ENGASE: variants seen among roughly 807,000 people sequenced by gnomAD.
ENGASE encodes endo-beta-N-acetylglucosaminidase.
A neutral mutation model predicts 78.5 loss-of-function variants in ENGASE; 69 were observed. That is an observed-to-expected ratio of 0.88 (90% CI 0.72 to 1.07). ENGASE has a LOEUF of 1.07. Among genes scored for constraint, ENGASE ranks in the 50% least tolerant of loss-of-function variants. The pLI is 0.00. For synonymous variants in ENGASE, 408 were observed against 408.9 expected (o/e 1.00, Z 0.03); for missense variants, 943 against 988.4 (o/e 0.95, Z 0.62).
At position 79,087,159 on chromosome 17, in the gene ENGASE, G is replaced by A; in HGVS notation, c.*810G>A. 2.4e-6 allele frequency: 1 copy of A among 419,456 alleles called. No homozygotes were observed. The highest frequency in any genetic ancestry group is 4.9e-6 in the Non-Finnish European group (1 of 203,966). 26.0% of individuals were successfully genotyped at this position (419,456 alleles called of 1,614,324 possible). Reference sequence around the variant, plus strand: ...GCGAGAGGCCGTGGGCTCTGGACAAGCCGCCCTTCAGGCTGGGGTAGCAGG... The same window carrying A: ...GCGAGAGGCCGTGGGCTCTGGACAAACCGCCCTTCAGGCTGGGGTAGCAGG... On this transcript the variant is annotated 3_prime_UTR_variant, in exon 14 of 14. Coordinates refer to ENST00000579016, the MANE Select transcript of ENGASE (RefSeq NM_001042573.3).
chr17:79,078,772 CA>C (rs1568086946), intron 3 of ENGASE, among the ~76,000 whole-genome samples: 3 of 152,224 alleles, frequency 2.0e-5, no homozygotes, highest in South Asian at 4.1e-4. Context: ...ACCTTGGGCG[CA>C]GCTCACAGGG....
rs1021495327 is a variant in ENGASE, at chr17:79,086,642, G to C, written c.*293G>C. ...TGGTTCCCAGGTGAAAATGAAAGGA[G>C]GGGAGAAGTTGAGAACAGAACATTC... is the stretch of plus-strand genomic sequence containing the variant. On this transcript the variant is annotated 3_prime_UTR_variant, in exon 14 of 14. Transcript: ENST00000579016. 9.5e-6 allele frequency: 5 copies of C among 525,568 alleles called. No homozygotes were observed. Among genetic ancestry groups the C allele is most frequent in the Middle Eastern group, 5.1e-4 (1 of 1,976 alleles). 32.6% of individuals were successfully genotyped at this position (525,568 alleles called of 1,614,324 possible).
intron 3 of ENGASE, 63 bp downstream of exon 3, chr17:79,077,927 GAGGGGC>G: frequency 1.7e-6 from 2 of 1,179,580 alleles, no homozygotes; most frequent in Non-Finnish European, 2.4e-6. Flanking sequence ...GTGGGGGCTG[GAGGGGC>G]GGGAGAGAGT....
intron 5 of ENGASE, 91 bp downstream of exon 5, chr17:79,080,455 C>T (rs1182580689): frequency 8.2e-6 from 12 of 1,472,034 alleles, no homozygotes; most frequent in Admixed American, 2.0e-5. Context: ...CCTCGCCCCA[C>T]GCCTGGGCTG....
intron 11 of ENGASE, 32 bp from the exon 12 acceptor site, chr17:79,085,202 T>G (rs2073258924): frequency 6.4e-7 from 1 of 1,561,156 alleles, no homozygotes; most frequent in East Asian, 2.2e-5. Flanking sequence ...TTTGAGATTC[T>G]CCTTTTTCAA....
chr17:79,083,996 CA>C lies in ENGASE; in HGVS notation c.1442+46del. 1.3e-6 allele frequency: 2 copies of C among 1,551,318 alleles called. No homozygotes were observed. The highest frequency in any genetic ancestry group is 1.8e-6 in the Non-Finnish European group (2 of 1,134,982). On this transcript the variant is annotated intron_variant, in intron 10 of 13. Coordinates refer to ENST00000579016, the MANE Select transcript of ENGASE (RefSeq NM_001042573.3). This position sits in a 1 kb window ranked among gnomAD's most constrained non-coding sequence, Gnocchi z 4.9. ...CGGTGGGCCCACCAGCTTCTCCCAT[CA>C]CACGTGGTGGCCATGGAACTGGACA...
rs745417708 is a variant in ENGASE at position 79,087,061 on chromosome 17, C to T, written c.*712C>T. 2.8e-5 allele frequency: 13 copies of T among 470,614 alleles called. No homozygotes were observed. The highest frequency in any genetic ancestry group is 1.9e-4 in the East Asian group (3 of 15,474). The allele number at this position is 470,614 out of a possible 1,614,324, so 29.2% of individuals were successfully genotyped here. A position where few individuals can be genotyped will look rare whatever the true frequency, so the allele number is the denominator to read the frequency against. ...TTTTCAGCAGCCCCTGGCTCTGCGG[C>T]GTCTCTTCCGGGCTGTGGGCATGCA... is the stretch of plus-strand genomic sequence containing the variant. On this transcript the variant is annotated 3_prime_UTR_variant, in exon 14 of 14. Coordinates refer to ENST00000579016, the MANE Select transcript of ENGASE (RefSeq NM_001042573.3).
chr17:79,084,531 T>TC lies in ENGASE; in HGVS notation c.1443-3dup. The TC allele has an allele frequency of 5.1e-6, 8 of 1,560,912 alleles. No individual in the cohort carries two copies. Among genetic ancestry groups the TC allele is most frequent in the Non-Finnish European group, 6.9e-6 (8 of 1,159,172 alleles). On this transcript the variant is annotated splice_polypyrimidine_tract_variant and splice_region_variant and intron_variant, in intron 10 of 13. Transcript: ENST00000579016. Reference sequence around the variant, plus strand: ...CACGGCACCCATCACAGGACCTTTTTCCCCAGGTTATTTTCCCTGCAGGCC... The same window carrying TC: ...CACGGCACCCATCACAGGACCTTTTTCCCCCAGGTTATTTTCCCTGCAGGCC...
intron 7 of ENGASE, chr17:79,082,596 C>T (rs1190900721): frequency 4.0e-6 from 5 of 1,260,346 alleles, no homozygotes; most frequent in Non-Finnish European, 5.1e-6. Context: ...CTGCCTGCCT[C>T]TGGTCTATCA....
rs796689811 is a variant in ENGASE, at chr17:79,082,667, T to G, written c.1039-353T>G. The stretch of plus-strand genomic sequence containing the variant: ...AGCCCTTAATTTAGCTTTAAATGAG[T>G]AAATTAATCCAATAACTAAAGAGCC... On this transcript the variant is annotated intron_variant, in intron 7 of 13. Coordinates refer to ENST00000579016, the MANE Select transcript of ENGASE (RefSeq NM_001042573.3). 1.6e-5 allele frequency: 21 copies of G among 1,311,604 alleles called. No homozygotes were observed. The African/African-American group carries it at 2.8e-4, about 18-fold the overall frequency. The allele number at this position is 1,311,604 out of a possible 1,614,324, so 81.2% of individuals were successfully genotyped here.
In ENGASE at chr17:79,083,729, G is replaced by A. The variant is rs776371826; in HGVS notation, c.1252-32G>A. 5 of 1,593,746 alleles carry A rather than the reference G, an allele frequency of 3.1e-6. No individual in the cohort carries two copies. The highest frequency in any genetic ancestry group is 4.3e-6 in the Non-Finnish European group (5 of 1,168,156). On this transcript the variant is annotated intron_variant, in intron 9 of 13. Coordinates refer to ENST00000579016, the MANE Select transcript of ENGASE (RefSeq NM_001042573.3). The surrounding 1 kb of genome is among the most constrained non-coding windows in gnomAD (Gnocchi z 4.9). ...GGGCACCCCTGCTCTGTTGGCCTCT[G>A]CTGAGTGCCCCTGTTCTGCCCTTTT...
At chr17:79,078,333 C>G (rs1039217633) in intron 3 of ENGASE, among the ~76,000 whole-genome samples, 3 of 152,060 alleles carry the variant, frequency 2.0e-5, no homozygotes, top group Non-Finnish European at 4.4e-5. Flanking sequence ...GAGTGAGACT[C>G]TGTCTCAAAA....
chr17:79,084,138 C>G, intron 10 of ENGASE, 187 bp downstream of exon 10: 1 of 612,950 alleles, frequency 1.6e-6, no homozygotes, highest in Non-Finnish European at 2.8e-6. Context: ...TTGAAGTGAA[C>G]GGTACAGGAG....
At chr17:79,078,375 A>G (rs781152432) in intron 3 of ENGASE, among the ~76,000 whole-genome samples, 11 of 152,158 alleles carry the variant, frequency 7.2e-5, no homozygotes, top group Non-Finnish European at 1.3e-4. Flanking sequence ...AGGTTGGATT[A>G]GGCAGTGTCT....
chr17:79,085,801 G>A (rs1485255675), intron 13 of ENGASE, 67 bp downstream of exon 13: 21 of 1,598,368 alleles, frequency 1.3e-5, no homozygotes, highest in South Asian at 4.4e-5. Flanking sequence ...GGTGGAGGCC[G>A]CCCCAGGCCG....
chr17:79,076,693 T>C (rs1417349834), intron 1 of ENGASE, among the ~76,000 whole-genome samples: 1 of 152,202 alleles, frequency 6.6e-6, no homozygotes, highest in Non-Finnish European at 1.5e-5. Context: ...CGGAAGGCAC[T>C]TAGGGAAGTG....
At chr17:79,082,810 A>G (rs1599343908) in intron 7 of ENGASE, 1 of 1,500,498 alleles carries the variant, frequency 6.7e-7, no homozygotes, top group African/African-American at 1.4e-5. Context: ...AGCAGCGCTG[A>G]CCGCCTCTCC....
rs1292042769 is a variant in ENGASE, at chr17:79,075,125, C to T, written c.146+35C>T. On this transcript the variant is annotated intron_variant, in intron 1 of 13. Coordinates refer to ENST00000579016, the MANE Select transcript of ENGASE (RefSeq NM_001042573.3). ...CGGGGCCCGCGTGAACCCCGATCCG[C>T]GGGGCTGAGAGTCCGTGGCCCCGGG... 4.2e-5 allele frequency: 51 copies of T among 1,202,700 alleles called. 1 individual carries two copies. The highest frequency in any genetic ancestry group is 5.0e-5 in the Non-Finnish European group (48 of 968,814). The allele number at this position is 1,202,700 out of a possible 1,614,324, so 74.5% of individuals were successfully genotyped here.
intron 1 of ENGASE, chr17:79,075,960 C>T: frequency 1.1e-6 from 1 of 937,336 alleles, no homozygotes; most frequent in Non-Finnish European, 1.3e-6. Context: ...AGGACATCAA[C>T]GAGGAAGGGG....
Sources: gnomAD v4.1 joint callset for allele counts (sites outside exome capture counted in the v4.1 genomes callset) on GRCh38, gnomAD v4.1.1 for gene constraint, Gnocchi (gnomAD v3.1) non-coding constraint, MANE v1.5 for transcripts, NCBI Gene and HGNC (gene_info 2026-07-23, HGNC 2026-07-21) for gene names.